Variants in TMEM117 observed in about 807,000 individuals in gnomAD.
TMEM117 encodes the protein transmembrane protein 117.
In TMEM117, 27 loss-of-function variants were observed where a neutral mutation model predicts 52.4. The ratio of observed to expected loss-of-function variants is 0.51; its 90% confidence interval spans 0.38 to 0.71. The LOEUF is 0.71. Ranked by LOEUF, TMEM117 falls within the 30% of genes least tolerant of loss-of-function variation. The pLI is 0.00. For synonymous variants in TMEM117, 215 were observed against 206.3 expected (o/e 1.04, Z -0.36); for missense variants, 556 against 630.5 (o/e 0.88, Z 1.26).
At chr12:44,023,762 A>G (rs1249751039) in intron 3 of TMEM117, among the ~76,000 whole-genome samples, 6 of 138,618 alleles carry the variant, frequency 4.3e-5, no homozygotes, top group Admixed American at 2.4e-4. Flanking sequence ...AAATTTTACA[A>G]TGAGAACACA....
intron 4 of TMEM117, among the ~76,000 whole-genome samples, chr12:44,169,879 A>G (rs1464745371): frequency 6.6e-6 from 1 of 152,210 alleles, no homozygotes; most frequent in African/African-American, 2.4e-5. Flanking sequence ...TGTGGAAGAC[A>G]GCGTGGCCAT....
In TMEM117 at chr12:44,067,912, C is replaced by T. The variant is rs571664574; in HGVS notation, c.411-75613C>T. On this transcript the variant is annotated intron_variant, in intron 3 of 7. Transcript: ENST00000266534. ...CTTCCAATAGAAGGCCATTTTATTT[C>T]CATTGAAAATCTGTTGTTTACTGTA... is the stretch of plus-strand genomic sequence containing the variant. Among the ~76,000 whole-genome samples, 8 of 152,292 alleles carry T rather than the reference C, an allele frequency of 5.3e-5. No homozygotes were observed. In the South Asian group the frequency reaches 1.7e-3, roughly 32 times the overall value.
chr12:44,386,396 A>G (rs1792460475), intron 7 of TMEM117, among the ~76,000 whole-genome samples: 2 of 152,258 alleles, frequency 1.3e-5, no homozygotes, highest in East Asian at 1.9e-4. Context: ...GTTCAAAATT[A>G]CTTTCCAGTT....
At chr12:44,084,974 A>G (rs1224621221) in intron 3 of TMEM117, among the ~76,000 whole-genome samples, 2 of 152,190 alleles carry the variant, frequency 1.3e-5, no homozygotes, top group African/African-American at 2.4e-5. Context: ...TCTGAAAACT[A>G]CATTCAGCTA....
intron 2 of TMEM117, among the ~76,000 whole-genome samples, chr12:43,926,615 C>G (rs1039588960): frequency 6.6e-6 from 1 of 152,142 alleles, no homozygotes; most frequent in African/African-American, 2.4e-5. Flanking sequence ...GAACTCCTCT[C>G]TCAAACCATT....
At chr12:44,354,035 A>C (rs1249993404) in intron 6 of TMEM117, among the ~76,000 whole-genome samples, 1 of 152,106 alleles carries the variant, frequency 6.6e-6, no homozygotes, top group Non-Finnish European at 1.5e-5. Flanking sequence ...TTGGCTTCCT[A>C]GGTATTTTAT....
intron 2 of TMEM117, among the ~76,000 whole-genome samples, chr12:43,864,534 T>C (rs1193506955): frequency 1.3e-5 from 2 of 152,130 alleles, no homozygotes; most frequent in Non-Finnish European, 2.9e-5. Context: ...TCAAGGTTTG[T>C]AAATACACCA....
chr12:44,239,660 A>C (rs1006901832), intron 5 of TMEM117, among the ~76,000 whole-genome samples: 13 of 152,120 alleles, frequency 8.5e-5, no homozygotes, highest in Non-Finnish European at 1.5e-4. Flanking sequence ...AAATTAGGAC[A>C]TTTGATGCTT....
rs535824054 is a variant in TMEM117 at position 43,868,451 on chromosome 12, C to T, written c.277+23523C>T. Among the ~76,000 whole-genome samples the T allele has an allele frequency of 2.0e-5, 3 of 151,936 alleles. No individual in the cohort carries two copies. The South Asian group carries it at 6.3e-4, about 32-fold the overall frequency. ...CCTGTAGTCCCAGCTACTCTGGAGG[C>T]TGAGGCAGGAGAATTGCTTGAACCT... On this transcript the variant is annotated intron_variant, in intron 2 of 7. Transcript: ENST00000266534.
intron 3 of TMEM117, among the ~76,000 whole-genome samples, chr12:44,078,860 GCACC>G (rs1947427611): frequency 1.2e-5 from 1 of 85,270 alleles, no homozygotes; most frequent in South Asian, 3.4e-4. Context: ...CCCTCCCCTA[GCACC>G]CCCCCACCCC....
chr12:44,136,604 G>A (rs367756636), intron 3 of TMEM117, among the ~76,000 whole-genome samples: 37 of 152,126 alleles, frequency 2.4e-4, no homozygotes, highest in African/African-American at 8.7e-4. Context: ...GTGTTTTACT[G>A]TGTAGCTCTG....
chr12:44,180,517 C>CA (rs1465550536), intron 4 of TMEM117, among the ~76,000 whole-genome samples: 1 of 118,180 alleles, frequency 8.5e-6, no homozygotes, highest in Non-Finnish European at 1.7e-5. Context: ...CCCCACCCCA[C>CA]AACAGTCCCC....
At chr12:44,033,160 C>T (rs1946659577) in intron 3 of TMEM117, among the ~76,000 whole-genome samples, 1 of 152,194 alleles carries the variant, frequency 6.6e-6, no homozygotes, top group Non-Finnish European at 1.5e-5. Flanking sequence ...CACTGCTACA[C>T]ACTTACCAGT....
intron 3 of TMEM117, among the ~76,000 whole-genome samples, chr12:44,106,608 A>G (rs1345756944): frequency 2.0e-5 from 3 of 152,080 alleles, no homozygotes; most frequent in Non-Finnish European, 2.9e-5. Context: ...TTGTATACAT[A>G]TAACATCACT....
intron 5 of TMEM117, among the ~76,000 whole-genome samples, chr12:44,235,207 A>T (rs1175952454): frequency 2.0e-5 from 3 of 150,974 alleles, no homozygotes; most frequent in Non-Finnish European, 4.4e-5. Context: ...TATTTTTTTG[A>T]CTTTAAAGTC....
intron 4 of TMEM117, among the ~76,000 whole-genome samples, chr12:44,153,506 G>T (rs73290228): frequency 6.6e-6 from 1 of 151,860 alleles, no homozygotes; most frequent in Non-Finnish European, 1.5e-5. Context: ...TAACCATCAC[G>T]TCTCAGCCAA....
intron 3 of TMEM117, among the ~76,000 whole-genome samples, chr12:44,066,661 CAGTT>C (rs35177409): frequency 2.3e-3 from 352 of 152,216 alleles, no homozygotes; most frequent in Admixed American, 5.6e-3. Flanking sequence ...GTGCATAACT[CAGTT>C]AAAAAAACTT....
At chr12:43,842,725 C>T (rs1943135320) in intron 1 of TMEM117, among the ~76,000 whole-genome samples, 1 of 151,170 alleles carries the variant, frequency 6.6e-6, no homozygotes, top group Non-Finnish European at 1.5e-5. Flanking sequence ...TTTCTCAACA[C>T]ACACACACAC....
At chr12:43,807,474 G>T in the TMEM117 span, among the ~76,000 whole-genome samples, 1 of 152,278 alleles carries the variant, frequency 6.6e-6, no homozygotes, top group East Asian at 1.9e-4. Context: ...ATGTAGGGAG[G>T]AGTTTCATTC....
Sources: gnomAD v4.1 joint callset for allele counts (sites outside exome capture counted in the v4.1 genomes callset) on GRCh38, gnomAD v4.1.1 for gene constraint, MANE v1.5 for transcripts, NCBI Gene and HGNC (gene_info 2026-07-23, HGNC 2026-07-21) for gene names.